Variants in PCDHA8 observed in about 807,000 individuals in gnomAD.
PCDHA8 encodes protocadherin alpha-8.
PCDHA8 carries 53 observed loss-of-function variants against 61.8 expected under a neutral mutation model. The observed-to-expected ratio is 0.86, with a 90% CI of 0.69 to 1.08. The LOEUF (loss-of-function observed/expected upper bound fraction) is 1.08, where lower values mean the gene tolerates loss of function less well. Ranked by LOEUF, PCDHA8 falls within the 50% of genes least tolerant of loss-of-function variation. The probability of loss-of-function intolerance (pLI) is 0.00; values close to 1 mark genes in which losing one functional copy is unlikely to be tolerated. For missense variants in PCDHA8, 1,293 were observed against 1,245.0 expected (o/e 1.04, Z -0.58); for synonymous variants, 618 against 556.6 (o/e 1.11, Z -1.55).
chr5:140,925,267 G>C (rs931372584), intron 1 of PCDHA8, among the ~76,000 whole-genome samples: 14 of 152,060 alleles, frequency 9.2e-5, no homozygotes, highest in Non-Finnish European at 1.9e-4. Flanking sequence ...CTTGATCTGT[G>C]TTCAGATTTT....
intron 1 of PCDHA8, 116 bp downstream of exon 1, chr5:140,843,831 T>C: frequency 8.9e-7 from 1 of 1,120,120 alleles, no homozygotes; most frequent in Non-Finnish European, 1.3e-6. Context: ...TAAACATTGT[T>C]TAGTTTTTAG....
At chr5:140,918,115 A>G (rs185486488) in intron 1 of PCDHA8, among the ~76,000 whole-genome samples, 14 of 152,198 alleles carry the variant, frequency 9.2e-5, no homozygotes, top group African/African-American at 3.1e-4. Flanking sequence ...CACATCCTTG[A>G]TTAGCCATAT....
chr5:140,850,299 G>C (rs2150478562), intron 1 of PCDHA8: 2 of 1,596,610 alleles, frequency 1.3e-6, no homozygotes, highest in East Asian at 2.2e-5. Context: ...CGCCGACTCG[G>C]GCTACAACGC....
At chr5:140,957,221 C>T (rs1171404836) in intron 1 of PCDHA8, among the ~76,000 whole-genome samples, 3 of 151,984 alleles carry the variant, frequency 2.0e-5, no homozygotes, top group Non-Finnish European at 4.4e-5. Flanking sequence ...AAAAATTTGG[C>T]GAAGCATTTT....
chr5:140,908,186 G>A (rs189627133), intron 1 of PCDHA8, among the ~76,000 whole-genome samples: 52 of 152,292 alleles, frequency 3.4e-4, no homozygotes, highest in African/African-American at 1.2e-3. Context: ...CCACTTTCAG[G>A]TGGTGGACAT....
chr5:140,883,520 G>A (rs1554178526), intron 1 of PCDHA8: 1 of 1,614,222 alleles, frequency 6.2e-7, no homozygotes, highest in Non-Finnish European at 8.5e-7. Context: ...CCGCGAGAGC[G>A]TATCAGCCTA....
intron 1 of PCDHA8, among the ~76,000 whole-genome samples, chr5:140,976,508 G>A (rs1039409709): frequency 6.6e-6 from 1 of 151,976 alleles, no homozygotes; most frequent in Non-Finnish European, 1.5e-5. Context: ...CCAAGATCGC[G>A]CCACTGCACA....
chr5:140,882,818 A>G, intron 1 of PCDHA8: 1 of 1,614,226 alleles, frequency 6.2e-7, no homozygotes, highest in Non-Finnish European at 8.5e-7. Flanking sequence ...GGACGCACAA[A>G]ACAGTCTTGA....
rs1414020840 is a variant in PCDHA8, at chr5:140,920,855, AAAAC to A, written c.2395-58085_2395-58082del. On this transcript the variant is annotated intron_variant, in intron 1 of 3. Transcript: ENST00000531613. ...AAGACCAAATCTAAAAAAAAAAAAA[AAAAC>A]AAACAAACTGTGGCCCTTAGAACTT... Among the ~76,000 whole-genome samples the A allele has an allele frequency of 3.9e-5, 6 of 152,094 alleles. No homozygotes were observed. The East Asian group carries it at 5.8e-4, about 15-fold the overall frequency.
intron 3 of PCDHA8, among the ~76,000 whole-genome samples, chr5:140,996,530 T>C (rs1423892657): frequency 6.6e-6 from 1 of 152,210 alleles, no homozygotes; most frequent in East Asian, 1.9e-4. Flanking sequence ...AGGCCCTGTG[T>C]GTTTTGATAT....
chr5:140,856,871 G>T, intron 1 of PCDHA8: 1 of 1,595,048 alleles, frequency 6.3e-7, no homozygotes, highest in Non-Finnish European at 8.6e-7. Flanking sequence ...AATAAACAAG[G>T]AAATGATGTA....
intron 1 of PCDHA8, chr5:140,928,543 A>G: frequency 6.2e-7 from 1 of 1,614,204 alleles, no homozygotes; most frequent in Non-Finnish European, 8.5e-7. Context: ...TAGGAATGAC[A>G]ATTATCCGGT....
chr5:141,008,147 G>A (rs782783615), intron 3 of PCDHA8, among the ~76,000 whole-genome samples: 9 of 152,114 alleles, frequency 5.9e-5, no homozygotes, highest in Non-Finnish European at 1.3e-4. Context: ...CTGCTGAGAG[G>A]TTTGATAAGA....
chr5:141,009,563 C>A, intron 3 of PCDHA8, 64 bp from the exon 4 acceptor site: 1 of 1,571,920 alleles, frequency 6.4e-7, no homozygotes, highest in Non-Finnish European at 8.6e-7. Flanking sequence ...TGTACTCTAC[C>A]AGCAGTGTGG....
intron 1 of PCDHA8, among the ~76,000 whole-genome samples, chr5:140,892,004 T>A (rs562047314): frequency 6.6e-6 from 1 of 152,364 alleles, no homozygotes; most frequent in East Asian, 1.9e-4. Flanking sequence ...TGGCATTCTG[T>A]TATAGCAGCA....
chr5:141,001,693 G>A (rs1554258280), intron 3 of PCDHA8, among the ~76,000 whole-genome samples: 1 of 152,122 alleles, frequency 6.6e-6, no homozygotes, highest in Admixed American at 6.5e-5. Context: ...CCCACAGATG[G>A]CGAAATAGGG....
In PCDHA8 at chr5:141,009,796, T is replaced by C; in HGVS notation, c.2712T>C (p.Thr904=). The C allele has an allele frequency of 6.2e-7, 1 of 1,614,046 alleles. No individual in the cohort carries two copies. The highest frequency in any genetic ancestry group is 8.5e-7 in the Non-Finnish European group (1 of 1,180,016). Residue 904 remains threonine (T), a synonymous_variant, in exon 4 of 4, where the codon ACT becomes ACC. Coordinates refer to ENST00000531613, the MANE Select transcript of PCDHA8 (RefSeq NM_018911.3). ...PAIISIRQEP[T]NSQIDKSDFI... ...TCATCTCCATCCGGCAGGAGCCTACTAACAGCCAAATTGACAAAAGTGACT... is the reference window on the plus strand; with the variant it reads ...TCATCTCCATCCGGCAGGAGCCTACCAACAGCCAAATTGACAAAAGTGACT...
chr5:140,883,306 C>G, intron 1 of PCDHA8: 1 of 1,614,050 alleles, frequency 6.2e-7, no homozygotes, highest in Non-Finnish European at 8.5e-7. Flanking sequence ...TAAATGATAA[C>G]GCCCCAGAGG....
At chr5:140,892,891 C>T (rs563104545) in intron 1 of PCDHA8, among the ~76,000 whole-genome samples, 1 of 152,264 alleles carries the variant, frequency 6.6e-6, no homozygotes, top group South Asian at 2.1e-4. Context: ...ATTAACCAAC[C>T]TTTCCCCATC....
Sources: allele counts gnomAD v4.1 joint callset (sites outside exome capture counted in the v4.1 genomes callset), GRCh38; gene constraint gnomAD v4.1.1; transcripts MANE v1.5; gene names NCBI Gene and HGNC (gene_info 2026-07-23, HGNC 2026-07-21).